The following UNK variants were observed in gnomAD, a reference collection of about 807,000 sequenced individuals.
The protein encoded by UNK is RING finger protein unkempt homolog.
A neutral mutation model predicts 97.6 loss-of-function variants in UNK; 32 were observed. The ratio of observed to expected loss-of-function variants is 0.33; its 90% CI spans 0.25 to 0.44. The LOEUF (loss-of-function observed/expected upper bound fraction) is 0.44. UNK is among the 20% of genes least tolerant of loss of function. The pLI, the probability that UNK is intolerant of heterozygous loss-of-function variation, is 1.00. For synonymous variants in UNK, 441 were observed against 461.2 expected (o/e 0.96, Z 0.56); for missense variants, 771 against 1,098.4 (o/e 0.70, Z 4.21).
chr17:75,802,242 C>CTTTTTTTTTTTTTT (rs56221993), intron 1 of UNK, among the ~76,000 whole-genome samples: 1 of 47,220 alleles, frequency 2.1e-5, no homozygotes, highest in African/African-American at 9.0e-5. Flanking sequence ...GCACAGATGT[C>CTTTTTTTTTTTTTT]TTTTTTTTTT....
intron 5 of UNK, 103 bp downstream of exon 5, chr17:75,813,316 C>T: frequency 7.0e-7 from 1 of 1,436,490 alleles, no homozygotes; most frequent in East Asian, 2.5e-5. Flanking sequence ...GGAGGCTGGT[C>T]CTGGGGATGA....
intron 1 of UNK, among the ~76,000 whole-genome samples, chr17:75,804,280 C>G (rs2061890055): frequency 2.0e-5 from 3 of 151,532 alleles, no homozygotes; most frequent in Admixed American, 2.0e-4. Context: ...ATGGGGAAAC[C>G]CCATCTCTAC....
intron 1 of UNK, among the ~76,000 whole-genome samples, chr17:75,807,097 A>G (rs1423499619): frequency 6.6e-6 from 1 of 152,212 alleles, no homozygotes; most frequent in Non-Finnish European, 1.5e-5. Flanking sequence ...TTCCTTCTCC[A>G]GGACAGACTG....
Position 75,818,596 on chromosome 17 carries a change from G to T in UNK, c.1372-46G>T, listed in dbSNP as rs370638974. On this transcript the variant is annotated intron_variant, in intron 10 of 15. Transcript: ENST00000589666. The surrounding 1 kb of genome is among the most constrained non-coding windows in gnomAD (Gnocchi z 5.1). ...TCTCCAGCCTCTCGTCCTGGCCTCC[G>T]TATGCAGGCCTACCATTGCTTCTCC... 27 of 1,540,516 alleles carry T rather than the reference G, an allele frequency of 1.8e-5. No individual in the cohort carries two copies. In the South Asian group the frequency reaches 3.3e-4, roughly 19 times the overall value.
rs1226870477 is a variant in UNK, at chr17:75,809,838, C to T, written c.183C>T (p.Cys61=). ...GCACGCAGCATCGGCCCTACACCTG[C>T]TTCCACTGGCACTTCGTGAACCAGC... ...HKCTQHRPYT[C]FHWHFVNQRR... is the part of the protein sequence containing the mutation. The change falls in exon 2 of 16, where the codon TGC becomes TGT. Residue 61 remains cysteine, a synonymous_variant. Coordinates refer to ENST00000589666, the MANE Select transcript of UNK (RefSeq NM_001080419.3). 2.5e-6 allele frequency: 4 copies of T among 1,613,816 alleles called. No individual in the cohort carries two copies. The highest frequency in any genetic ancestry group is 3.4e-6 in the Non-Finnish European group (4 of 1,179,876).
intron 1 of UNK, among the ~76,000 whole-genome samples, chr17:75,800,844 A>G (rs1385388968): frequency 6.6e-6 from 1 of 152,092 alleles, no homozygotes; most frequent in African/African-American, 2.4e-5. Context: ...AGTAGTTGCA[A>G]CAGGAGACTG....
At position 75,817,940 on chromosome 17, in the gene UNK, A is replaced by G. The variant is rs193167867; in HGVS notation, c.1306-163A>G. Among the ~76,000 whole-genome samples the G allele has an allele frequency of 6.9e-3, 1,051 of 151,510 alleles. 6 individuals are homozygous for G. Among genetic ancestry groups the G allele is most frequent in the African/African-American group, 0.023 (943 of 41,332 alleles). ...GCAGCTCCCTGCTTAGGGTAGGGGA[A>G]GGGAGTAGGGGGTGGGGAGGAAGAA... On this transcript the variant is annotated intron_variant, in intron 9 of 15. Coordinates refer to ENST00000589666, the MANE Select transcript of UNK (RefSeq NM_001080419.3). The surrounding 1 kb of genome is among the most constrained non-coding windows in gnomAD (Gnocchi z 5.8).
At position 75,825,003 on chromosome 17, in the gene UNK, G is replaced by C. The variant is rs1025257119; in HGVS notation, c.*586G>C. Reference sequence around the variant, plus strand: ...CTGTGAGGGCCTCAGGGAGGCCCGAGGGGGAGTGCTGGGGGTCTCAGCTGG... The same window carrying C: ...CTGTGAGGGCCTCAGGGAGGCCCGACGGGGAGTGCTGGGGGTCTCAGCTGG... On this transcript the variant is annotated 3_prime_UTR_variant, in exon 16 of 16. Coordinates refer to ENST00000589666, the MANE Select transcript of UNK (RefSeq NM_001080419.3). This position sits in a 1 kb window ranked among gnomAD's most constrained non-coding sequence, Gnocchi z 4.4. 2.0e-5 allele frequency: 3 copies of C among 152,266 alleles called. No homozygotes were observed. Among genetic ancestry groups the C allele is most frequent in the Admixed American group, 6.5e-5 (1 of 15,282 alleles). 9.4% of individuals were successfully genotyped at this position (152,266 alleles called of 1,614,324 possible).
rs2061961260 is a variant in UNK, at chr17:75,810,723, A to T, written c.314+754A>T. On this transcript the variant is annotated intron_variant, in intron 2 of 15. Transcript: ENST00000589666. ...GCGATCTTGGCTCACTGCAACCTCC[A>T]CCTCCTGGGTGCAAGTGATTTTCCT... 2.0e-5 allele frequency among the ~76,000 whole-genome samples: 3 copies of T among 151,910 alleles called. No individual in the cohort carries two copies. In the South Asian group the frequency reaches 6.2e-4, roughly 32 times the overall value.
chr17:75,798,831 C>G (rs1003743846), intron 1 of UNK, among the ~76,000 whole-genome samples: 2 of 151,938 alleles, frequency 1.3e-5, no homozygotes, highest in South Asian at 2.1e-4. Flanking sequence ...CTTTGGGAGG[C>G]TGAGGCAGGC....
At position 75,817,499 on chromosome 17, in the gene UNK, C is replaced by G; in HGVS notation, c.1278C>G (p.Ala426=). 6.2e-7 allele frequency: 1 copy of G among 1,610,436 alleles called. No individual in the cohort carries two copies. Among genetic ancestry groups the G allele is most frequent in the Admixed American group, 1.7e-5 (1 of 59,708 alleles). Residue 426 remains alanine (A), a synonymous_variant, in exon 9 of 16, where the codon GCC becomes GCG. Coordinates refer to ENST00000589666, the MANE Select transcript of UNK (RefSeq NM_001080419.3). The surrounding 1 kb of genome is among the most constrained non-coding windows in gnomAD (Gnocchi z 5.8). ...TCGAGAGGGAAGACCAGGTGGGAGCCGAGTACCTGAAAAATTTCAAATGCC... is the reference window on the plus strand; with the variant it reads ...TCGAGAGGGAAGACCAGGTGGGAGCGGAGTACCTGAAAAATTTCAAATGCC... ...PGFEREDQVG[A]EYLKNFKCQA... is the part of the protein sequence containing the mutation.
At chr17:75,789,412 C>G (rs2061742657) in intron 1 of UNK, among the ~76,000 whole-genome samples, 1 of 152,164 alleles carries the variant, frequency 6.6e-6, no homozygotes, top group South Asian at 2.1e-4. Flanking sequence ...TCTCGGCTCA[C>G]TGCAAGCTCC....
At chr17:75,802,747 AAC>A (rs1193098221) in intron 1 of UNK, among the ~76,000 whole-genome samples, 1 of 152,200 alleles carries the variant, frequency 6.6e-6, no homozygotes, top group African/African-American at 2.4e-5. Flanking sequence ...GTCCAGATAA[AAC>A]ACATTTTTGT....
intron 1 of UNK, among the ~76,000 whole-genome samples, chr17:75,803,747 T>A (rs778389595): frequency 5.3e-5 from 8 of 152,234 alleles, no homozygotes; most frequent in Non-Finnish European, 1.0e-4. Context: ...TGATGTGCCC[T>A]GCCGCGCAGT....
chr17:75,818,819 A>G lies in UNK; in HGVS notation c.1546+3A>G. 6.3e-7 allele frequency: 1 copy of G among 1,590,884 alleles called. No individual in the cohort carries two copies. The highest frequency in any genetic ancestry group is 8.6e-7 in the Non-Finnish European group (1 of 1,167,336). On this transcript the variant is annotated splice_donor_region_variant and intron_variant, in intron 11 of 15. Transcript: ENST00000589666. The surrounding 1 kb of genome is among the most constrained non-coding windows in gnomAD (Gnocchi z 5.1). ...CGACACGGTAGAGTCAGTCATAGGT[A>G]ACTAGGCCATTTCTGTTTGAAAGCC... is the stretch of plus-strand genomic sequence containing the variant.
chr17:75,822,499 C>G lies in UNK; in HGVS notation c.1860C>G (p.Ser620Arg). Reference sequence around the variant, plus strand: ...CAGGTCTGAACGGGATGAACAGCAGCATCTGGGAGCATTTTGCCTCTGGAA... The same window carrying G: ...CAGGTCTGAACGGGATGAACAGCAGGATCTGGGAGCATTTTGCCTCTGGAA... ...GSLGLNGMNS[S>R]IWEHFASGSF... The change falls in exon 14 of 16, where the codon AGC becomes AGG. Residue 620 changes from serine to arginine, a missense_variant. Coordinates refer to ENST00000589666, the MANE Select transcript of UNK (RefSeq NM_001080419.3). 1 of 1,613,234 alleles carries G rather than the reference C, an allele frequency of 6.2e-7. No individual in the cohort carries two copies. Among genetic ancestry groups the G allele is most frequent in the Non-Finnish European group, 8.5e-7 (1 of 1,179,600 alleles).
chr17:75,815,037 T>C (rs1231392371), intron 6 of UNK, 132 bp from the exon 7 acceptor site: 3 of 705,892 alleles, frequency 4.2e-6, no homozygotes, highest in Non-Finnish European at 7.2e-6. Flanking sequence ...AGAGACATAG[T>C]GGAGGGGAGG....
intron 1 of UNK, chr17:75,793,657 C>T (rs1289304083): frequency 7.1e-6 from 7 of 985,312 alleles, no homozygotes; most frequent in Non-Finnish European, 8.4e-6. Flanking sequence ...GTTTCCTCCC[C>T]TTCCTTATTC....
At chr17:75,792,477 A>C (rs2061771026) in intron 1 of UNK, 1 of 985,324 alleles carries the variant, frequency 1.0e-6, no homozygotes, top group Admixed American at 6.2e-5. Context: ...TGGATGTTGA[A>C]TGTAAGTTTC....
Sources: allele counts gnomAD v4.1 joint callset (sites outside exome capture counted in the v4.1 genomes callset), GRCh38; gene constraint gnomAD v4.1.1; non-coding constraint Gnocchi (gnomAD v3.1); transcripts MANE v1.5; gene names NCBI Gene and HGNC (gene_info 2026-07-23, HGNC 2026-07-21).